Variants in ZZEF1 observed in about 807,000 individuals in gnomAD.
The protein encoded by ZZEF1 is zinc finger ZZ-type and EF-hand domain containing 1.
Under a neutral mutation model 342.8 loss-of-function variants are expected in ZZEF1, and 157 were observed. The ratio of observed to expected loss-of-function variants is 0.46; its 90% CI spans 0.40 to 0.52. The LOEUF (loss-of-function observed/expected upper bound fraction) is 0.52, where lower values mean the gene tolerates loss of function less well. Among genes scored for constraint, ZZEF1 ranks in the 20% least tolerant of loss-of-function variants. The pLI, the probability that ZZEF1 is intolerant of heterozygous loss-of-function variation, is 0.00. For synonymous variants in ZZEF1, 1,505 were observed against 1,429.1 expected, an observed-to-expected ratio of 1.05 and a Z score of -1.20; for missense variants, 3,480 against 3,725.6, an observed-to-expected ratio of 0.93 and a Z score of 1.72.
intron 18 of ZZEF1, 106 bp downstream of exon 18, chr17:4,081,270 A>G: frequency 1.1e-6 from 1 of 920,734 alleles, no homozygotes; most frequent in Non-Finnish European, 1.7e-6. Flanking sequence ...AACCACAACA[A>G]AGTACATTCA....
At chr17:4,112,586 C>A in intron 5 of ZZEF1, 23 bp downstream of exon 5, 1 of 1,612,982 alleles carries the variant, frequency 6.2e-7, no homozygotes, top group Non-Finnish European at 8.5e-7. Context: ...TTTTCCCTAT[C>A]CCCTCAGTTC....
intron 46 of ZZEF1, 140 bp downstream of exon 46, chr17:4,019,529 C>A: frequency 1.4e-6 from 1 of 690,352 alleles, no homozygotes; most frequent in South Asian, 1.8e-5. Flanking sequence ...TCCCACCTCG[C>A]CTTACAAAGG....
chr17:4,097,195 A>T (rs1171786931), intron 9 of ZZEF1, among the ~76,000 whole-genome samples: 1 of 151,312 alleles, frequency 6.6e-6, no homozygotes. Flanking sequence ...CGGGAGGCGG[A>T]GCTTGGAGAT....
chr17:4,124,130 T>C, intron 1 of ZZEF1, 79 bp from the exon 2 acceptor site: 6 of 1,461,018 alleles, frequency 4.1e-6, no homozygotes, highest in Non-Finnish European at 5.4e-6. Flanking sequence ...TATTTAAAAT[T>C]CTCGAGACCG....
rs1016601880 is a variant in ZZEF1 at position 4,087,825 on chromosome 17, C to CA, written c.2242-292dup. Among the ~76,000 whole-genome samples the CA allele has an allele frequency of 4.3e-4, 60 of 140,386 alleles. 1 individual carries two copies. Among genetic ancestry groups the CA allele is most frequent in the African/African-American group, 1.5e-3 (57 of 38,730 alleles). 92.1% of individuals were successfully genotyped at this position (140,386 alleles called of 152,430 possible). On this transcript the variant is annotated intron_variant, in intron 13 of 54. Coordinates refer to ENST00000381638, the MANE Select transcript of ZZEF1 (RefSeq NM_015113.4). ...ACACACACACACACACACACACACA[C>CA]ATCCATGAACGCTCCTGACTTCCTA...
chr17:4,037,143 C>T (rs2056690725), intron 39 of ZZEF1, among the ~76,000 whole-genome samples: 1 of 152,074 alleles, frequency 6.6e-6, no homozygotes, highest in Non-Finnish European at 1.5e-5. Context: ...TGAACCCATA[C>T]TGATATAACT....
rs1468894397 is a variant in ZZEF1 at position 4,008,950 on chromosome 17, A to G, written c.8738T>C (p.Leu2913Pro). The G allele has an allele frequency of 1.3e-6, 2 of 1,540,744 alleles. No homozygotes were observed. Among genetic ancestry groups the G allele is most frequent in the Non-Finnish European group, 8.7e-7 (1 of 1,147,080 alleles). The change falls in exon 54 of 55, where the codon CTT becomes CCT. Residue 2913 changes from leucine to proline, a missense_variant. Physicochemically the swap from Leu to Pro is moderately conservative, Grantham distance 98. Coordinates refer to ENST00000381638, the MANE Select transcript of ZZEF1 (RefSeq NM_015113.4). The surrounding 1 kb of genome is among the most constrained non-coding windows in gnomAD (Gnocchi z 4.2). ...CAGCAGGTAATCCTGCAGCACGCCAAGCTCCTGCAGAGAGAGAGCAGGGGC... is the reference window on the plus strand; with the variant it reads ...CAGCAGGTAATCCTGCAGCACGCCAGGCTCCTGCAGAGAGAGAGCAGGGGC... ...FFVTENRAQE[L>P]GVLQDYLLAL...
chr17:4,068,304 A>T (rs553092500), intron 26 of ZZEF1, among the ~76,000 whole-genome samples: 53 of 152,100 alleles, frequency 3.5e-4, no homozygotes, highest in African/African-American at 1.2e-3. Context: ...TTTGAGACAG[A>T]GTTTTGCTCA....
At chr17:4,010,541 C>G (rs927021146) in intron 52 of ZZEF1, among the ~76,000 whole-genome samples, 8 of 151,294 alleles carry the variant, frequency 5.3e-5, no homozygotes, top group East Asian at 1.9e-4. Context: ...CTGGCCAACA[C>G]AGTGAAACCC....
chr17:4,032,799 C>G, intron 41 of ZZEF1, 29 bp downstream of exon 41: 1 of 1,608,908 alleles, frequency 6.2e-7, no homozygotes, highest in Non-Finnish European at 8.5e-7. Context: ...AAGGGGTGAC[C>G]AGGCCCTCAG....
At chr17:4,013,402 G>A in intron 52 of ZZEF1, 47 bp downstream of exon 52, 1 of 1,510,972 alleles carries the variant, frequency 6.6e-7, no homozygotes, top group African/African-American at 1.4e-5. Context: ...CCACAGAGTG[G>A]GGATACATAT....
At chr17:4,139,180 T>C (rs149477029) in intron 1 of ZZEF1, among the ~76,000 whole-genome samples, 136 of 147,082 alleles carry the variant, frequency 9.2e-4, no homozygotes, top group Middle Eastern at 3.5e-3. Context: ...TGTTGTACTA[T>C]AAAATGATAA....
chr17:4,059,038 G>C (rs1408429580), intron 31 of ZZEF1, 133 bp downstream of exon 31: 2 of 686,340 alleles, frequency 2.9e-6, no homozygotes. Flanking sequence ...TAGCTCTCTA[G>C]GTGGTAACAT....
At chr17:4,068,411 C>T (rs1017744979) in intron 26 of ZZEF1, among the ~76,000 whole-genome samples, 1 of 152,206 alleles carries the variant, frequency 6.6e-6, no homozygotes. Flanking sequence ...CTCAGCCTCC[C>T]GAGTAGCTGG....
In ZZEF1 at chr17:4,074,018, G is replaced by A. The variant is rs771494785; in HGVS notation, c.3685+132C>T. On this transcript the variant is annotated intron_variant, in intron 24 of 54. Coordinates refer to ENST00000381638, the MANE Select transcript of ZZEF1 (RefSeq NM_015113.4). ...TATTGAGTGGACACTTTATTCTTTCGGTTTAAAGGAAACTGAAAAGGCGTA... is the reference window on the plus strand; with the variant it reads ...TATTGAGTGGACACTTTATTCTTTCAGTTTAAAGGAAACTGAAAAGGCGTA... 17 of 1,024,848 alleles carry A rather than the reference G, an allele frequency of 1.7e-5. 1 individual carries two copies. The highest frequency in any genetic ancestry group is 3.1e-5 in the South Asian group (2 of 64,656). The allele number at this position is 1,024,848 out of a possible 1,614,324, so 63.5% of individuals were successfully genotyped here.
chr17:4,036,395 T>G (rs1403427655), intron 39 of ZZEF1, among the ~76,000 whole-genome samples: 3 of 152,150 alleles, frequency 2.0e-5, no homozygotes, highest in Non-Finnish European at 2.9e-5. Flanking sequence ...CAAAAATGTC[T>G]CAAGGCACTG....
Position 4,118,847 on chromosome 17 carries a change from C to G in ZZEF1, c.500-1681G>C, listed in dbSNP as rs140948984. On this transcript the variant is annotated intron_variant, in intron 2 of 54. Transcript: ENST00000381638. ...ATTTATTTCAGACTTATTTCCCACC[C>G]CCTGGCACACAAACGTCTCACCAAT... 1.3e-3 allele frequency among the ~76,000 whole-genome samples: 195 copies of G among 152,308 alleles called. 2 individuals are homozygous for G. The East Asian group carries it at 0.032, about 25-fold the overall frequency.
At chr17:4,102,200 G>C (rs1417528203) in intron 9 of ZZEF1, 117 bp downstream of exon 9, 3 of 890,294 alleles carry the variant, frequency 3.4e-6, no homozygotes, top group East Asian at 2.5e-5. Flanking sequence ...TGCCAACTGA[G>C]AAACAACCTA....
At position 4,075,037 on chromosome 17, in the gene ZZEF1, C is replaced by A. The variant is rs8078649; in HGVS notation, c.3483+60G>T. The A allele has an allele frequency of 1.1e-3, 1,778 of 1,567,580 alleles. 19 individuals carry two copies. The African/African-American group carries it at 0.021, about 19-fold the overall frequency. Reference sequence around the variant, plus strand: ...CCTTACCTCTACTGCCCCCTGAAGGCTGACAAAAGGAAAAGCATTGGTGCA... The same window carrying A: ...CCTTACCTCTACTGCCCCCTGAAGGATGACAAAAGGAAAAGCATTGGTGCA... On this transcript the variant is annotated intron_variant, in intron 23 of 54. Transcript: ENST00000381638.
Sources: allele counts gnomAD v4.1 joint callset (sites outside exome capture counted in the v4.1 genomes callset), GRCh38; gene constraint gnomAD v4.1.1; non-coding constraint Gnocchi (gnomAD v3.1); transcripts MANE v1.5; gene names NCBI Gene and HGNC (gene_info 2026-07-23, HGNC 2026-07-21).